SMG6: variants seen among roughly 807,000 people sequenced by gnomAD.
SMG6 encodes the protein SMG6 nonsense mediated mRNA decay factor, also known as telomerase-binding protein EST1A.
SMG6 carries 66 observed loss-of-function variants against 142.2 expected under a neutral mutation model. That is an observed-to-expected ratio of 0.46 (90% CI 0.38 to 0.57). The LOEUF is 0.57. SMG6 is among the 20% of genes least tolerant of loss of function. The probability of loss-of-function intolerance (pLI) is 0.00; values close to 1 mark genes in which losing one functional copy is unlikely to be tolerated. For missense variants in SMG6, 1,793 were observed against 1,832.0 expected (o/e 0.98, Z 0.39); for synonymous variants, 779 against 702.4 (o/e 1.11, Z -1.72).
chr17:2,156,790 A>G (rs1444652181), intron 13 of SMG6, among the ~76,000 whole-genome samples: 2 of 152,180 alleles, frequency 1.3e-5, no homozygotes, highest in Non-Finnish European at 2.9e-5. Flanking sequence ...AGTAGCTGGG[A>G]CTACAAGCAT....
intron 13 of SMG6, among the ~76,000 whole-genome samples, chr17:2,105,403 G>A (rs1308443363): frequency 7.9e-5 from 12 of 152,006 alleles, no homozygotes; most frequent in South Asian, 6.2e-4. Flanking sequence ...AAAATTAGCC[G>A]GGCGTGGTGG....
At chr17:2,126,809 T>C (rs188108151) in intron 13 of SMG6, among the ~76,000 whole-genome samples, 2 of 151,886 alleles carry the variant, frequency 1.3e-5, no homozygotes, top group Admixed American at 1.3e-4. Context: ...CTCAGCACTT[T>C]GGGAGGCTAT....
chr17:2,239,149 T>C (rs1340502389), intron 9 of SMG6, among the ~76,000 whole-genome samples: 1 of 152,234 alleles, frequency 6.6e-6, no homozygotes, highest in Admixed American at 6.5e-5. Context: ...GCATTACTGA[T>C]GGACACGTAC....
intron 9 of SMG6, among the ~76,000 whole-genome samples, chr17:2,239,160 G>GT (rs1409354783): frequency 1.3e-5 from 2 of 152,166 alleles, no homozygotes; most frequent in Admixed American, 6.5e-5. Context: ...GGACACGTAC[G>GT]TAAGTATGTA....
chr17:2,122,463 G>A (rs899745085), intron 13 of SMG6: 6 of 152,186 alleles, frequency 3.9e-5, no homozygotes, highest in African/African-American at 1.4e-4. Flanking sequence ...GGCTGGTTTT[G>A]CCATGTAAAA....
In SMG6 at chr17:2,283,001, TCTCTACTA is replaced by T. The variant is rs1490405447; in HGVS notation, c.2449-150_2449-143del. The stretch of plus-strand genomic sequence containing the variant: ...GCCTGACCAACATAGTGAAACCCTG[TCTCTACTA>T]AAAATACAAAATTAGCTGGGTGTGG... On this transcript the variant is annotated intron_variant, in intron 7 of 18. Transcript: ENST00000263073. 4.2e-6 allele frequency: 3 copies of T among 720,354 alleles called. No individual in the cohort carries two copies. In the East Asian group the frequency reaches 8.1e-5, roughly 20 times the overall value. The allele number at this position is 720,354 out of a possible 1,614,324, so 44.6% of individuals were successfully genotyped here. A position where few individuals can be genotyped will look rare whatever the true frequency, so the allele number is the denominator to read the frequency against.
chr17:2,087,528 G>A (rs533919258), intron 13 of SMG6: 1 of 1,033,472 alleles, frequency 9.7e-7, no homozygotes, highest in South Asian at 3.4e-5. Flanking sequence ...ACCTTCACCT[G>A]AGAGGTTGAT....
At position 2,212,982 on chromosome 17, in the gene SMG6, G is replaced by A. The variant is rs539041677; in HGVS notation, c.2869+23510C>T. 2.6e-5 allele frequency among the ~76,000 whole-genome samples: 4 copies of A among 152,318 alleles called. No individual in the cohort carries two copies. The South Asian group carries it at 8.3e-4, about 32-fold the overall frequency. ...ACAGTTTGTAGTGAGTGGGTTATCT[G>A]TTATTTCTTGCTGAATTCATCTAAG... is the stretch of plus-strand genomic sequence containing the variant. On this transcript the variant is annotated intron_variant, in intron 10 of 18. Transcript: ENST00000263073.
intron 10 of SMG6, among the ~76,000 whole-genome samples, chr17:2,205,669 A>G (rs975652728): frequency 4.6e-5 from 7 of 152,210 alleles, no homozygotes; most frequent in Non-Finnish European, 1.0e-4. Flanking sequence ...AAGTATATCA[A>G]TTCTTCAGGA....
Position 2,265,381 on chromosome 17 carries a change from G to A in SMG6, c.2661+17266C>T, listed in dbSNP as rs2074399268. On this transcript the variant is annotated intron_variant, in intron 8 of 18. Coordinates refer to ENST00000263073, the MANE Select transcript of SMG6 (RefSeq NM_017575.5). Reference sequence around the variant, plus strand: ...AAAAATTAGCAGCGGGTGGTGACAGGAGCCTGTAGTCCCAGCTACTGGGGA... The same window carrying A: ...AAAAATTAGCAGCGGGTGGTGACAGAAGCCTGTAGTCCCAGCTACTGGGGA... Among the ~76,000 whole-genome samples the A allele has an allele frequency of 2.6e-5, 4 of 152,186 alleles. No individual in the cohort carries two copies. In the South Asian group the frequency reaches 8.3e-4, roughly 32 times the overall value.
chr17:2,279,734 T>C (rs889841358), intron 8 of SMG6, among the ~76,000 whole-genome samples: 5 of 152,122 alleles, frequency 3.3e-5, no homozygotes, highest in African/African-American at 4.8e-5. Flanking sequence ...GAAAGGAACA[T>C]GTCAAGCACG....
chr17:2,148,404 GC>G (rs1490344042), intron 13 of SMG6, among the ~76,000 whole-genome samples: 5 of 152,194 alleles, frequency 3.3e-5, no homozygotes, highest in Non-Finnish European at 7.3e-5. Flanking sequence ...GTAGATGTAT[GC>G]ATACAACAGA....
chr17:2,236,099 A>T (rs2073642994), intron 10 of SMG6: 1 of 155,790 alleles, frequency 6.4e-6, no homozygotes, highest in African/African-American at 2.4e-5. Context: ...ATGAGTCCAG[A>T]AACAGCTATT....
At position 2,254,469 on chromosome 17, in the gene SMG6, G is replaced by A. The variant is rs138976043; in HGVS notation, c.2662-9750C>T. Among the ~76,000 whole-genome samples, 7 of 152,228 alleles carry A rather than the reference G, an allele frequency of 4.6e-5. No individual in the cohort carries two copies. In the East Asian group the frequency reaches 1.4e-3, roughly 29 times the overall value. ...CGTGCCTCAGCTTCCCAAGTAGCTG[G>A]GACTAGAAGCACGTGCCACCAAGCC... On this transcript the variant is annotated intron_variant, in intron 8 of 18. Coordinates refer to ENST00000263073, the MANE Select transcript of SMG6 (RefSeq NM_017575.5).
At position 2,236,698 on chromosome 17, in the gene SMG6, G is replaced by GTCTC. The variant is rs199975798; in HGVS notation, c.2724-65_2724-62dup. On this transcript the variant is annotated intron_variant, in intron 9 of 18. Transcript: ENST00000263073. ...TCTCTTTCAGTCTCTCTCTCACTCT[G>GTCTC]TCTCACACACACACACACACACACA... 7.5e-5 allele frequency: 94 copies of GTCTC among 1,255,962 alleles called. 2 individuals carry two copies. In the African/African-American group the frequency reaches 1.9e-3, roughly 26 times the overall value. The allele number at this position is 1,255,962 out of a possible 1,614,324, so 77.8% of individuals were successfully genotyped here.
At chr17:2,117,138 A>C (rs1375689402) in intron 13 of SMG6, among the ~76,000 whole-genome samples, 1 of 149,532 alleles carries the variant, frequency 6.7e-6, no homozygotes, top group African/African-American at 2.5e-5. Context: ...TCTGTCGCCC[A>C]GTGTGTAGTG....
At chr17:2,114,170 T>C (rs1317543653) in intron 13 of SMG6, among the ~76,000 whole-genome samples, 1 of 152,044 alleles carries the variant, frequency 6.6e-6, no homozygotes, top group East Asian at 1.9e-4. Flanking sequence ...CTTGGGAGGC[T>C]GAGGCAGGAG....
chr17:2,241,210 G>A (rs555027338), intron 9 of SMG6, among the ~76,000 whole-genome samples: 1 of 152,176 alleles, frequency 6.6e-6, no homozygotes, highest in East Asian at 1.9e-4. Context: ...GTTATATGCA[G>A]GAATAAAAGA....
At chr17:2,065,245 G>C in intron 17 of SMG6, 91 bp from the exon 18 acceptor site, 2 of 1,176,392 alleles carry the variant, frequency 1.7e-6, no homozygotes, top group Non-Finnish European at 1.3e-6. Flanking sequence ...GGGGCCCTGG[G>C]CAGGGCCACC....
Sources: gnomAD v4.1 joint callset for allele counts (sites outside exome capture counted in the v4.1 genomes callset) on GRCh38, gnomAD v4.1.1 for gene constraint, MANE v1.5 for transcripts, NCBI Gene and HGNC (gene_info 2026-07-23, HGNC 2026-07-21) for gene names.